Variants in NCKAP1L observed in about 807,000 individuals in gnomAD.
NCKAP1L encodes NCK associated protein 1 like, also known as nck-associated protein 1-like.
A neutral mutation model predicts 139.2 loss-of-function variants in NCKAP1L; 53 were observed. That is an observed-to-expected ratio of 0.38 (90% CI 0.31 to 0.48). NCKAP1L has a LOEUF of 0.48. NCKAP1L is among the 20% of genes least tolerant of loss of function. NCKAP1L has a pLI of 0.98. For synonymous variants in NCKAP1L, 468 were observed against 499.7 expected (o/e 0.94, Z 0.85); for missense variants, 1,151 against 1,381.9 (o/e 0.83, Z 2.65).
intron 20 of NCKAP1L, among the ~76,000 whole-genome samples, chr12:54,524,978 G>A (rs749889499): frequency 1.3e-5 from 2 of 152,156 alleles, no homozygotes; most frequent in Non-Finnish European, 2.9e-5. Context: ...AGCATTCTAG[G>A]TAGAGGAAAC....
At chr12:54,525,641 C>G (rs561604592) in intron 20 of NCKAP1L, among the ~76,000 whole-genome samples, 1 of 149,446 alleles carries the variant, frequency 6.7e-6, no homozygotes, top group Non-Finnish European at 1.5e-5. Flanking sequence ...ATCAGTCTTG[C>G]CCTTAGTCTG....
intron 1 of NCKAP1L, chr12:54,498,767 G>A (rs1483473025): frequency 1.0e-6 from 1 of 984,934 alleles, no homozygotes; most frequent in African/African-American, 1.7e-5. Flanking sequence ...GAGGGGCGGG[G>A]AAACAGCTTC....
Position 54,526,664 on chromosome 12 carries a change from G to A in NCKAP1L, c.2293G>A (p.Val765Ile). ...GTTTTTGGGTGCAGATGCTTCCAGA[G>A]TCATCCGCAACGCCCTCCTGCAGCA... is the stretch of plus-strand genomic sequence containing the variant. The part of the protein sequence containing the change: ...AQFLGADASR[V>I]IRNALLQQTQ... The change falls in exon 21 of 31, where the codon GTC becomes ATC. Residue 765 changes from valine (V) to isoleucine (I), a missense_variant. By Grantham distance (29) the Val-to-Ile change is conservative (BLOSUM62 3). Transcript: ENST00000293373. 1 of 1,614,116 alleles carries A rather than the reference G, an allele frequency of 6.2e-7. No individual in the cohort carries two copies. The highest frequency in any genetic ancestry group is 8.5e-7 in the Non-Finnish European group (1 of 1,180,018).
Position 54,542,774 on chromosome 12 carries a change from A to ATTGGGGGGGGGGTGGT in NCKAP1L, c.*89_*90insTTGGGGGGGGGGTGGT. 2 of 605,992 alleles carry ATTGGGGGGGGGGTGGT rather than the reference A, an allele frequency of 3.3e-6. No individual in the cohort carries two copies. Among genetic ancestry groups the ATTGGGGGGGGGGTGGT allele is most frequent in the Non-Finnish European group, 6.1e-6 (2 of 329,672 alleles). The allele number at this position is 605,992 out of a possible 1,614,324, so 37.5% of individuals were successfully genotyped here. A position where few individuals can be genotyped will look rare whatever the true frequency, so the allele number is the denominator to read the frequency against. On this transcript the variant is annotated 3_prime_UTR_variant, in exon 31 of 31. Transcript: ENST00000293373. ...TGTGGTCACTTTCGCAGGGGGTGGG[A>ATTGGGGGGGGGGTGGT]ATGGGGTGGGGTCACTAAGGAGAGA...
At chr12:54,519,614 G>A (rs565183133) in intron 16 of NCKAP1L, among the ~76,000 whole-genome samples, 2 of 151,716 alleles carry the variant, frequency 1.3e-5, no homozygotes, top group African/African-American at 2.4e-5. Context: ...TGGCCTCTGC[G>A]GAGGACTGTC....
intron 3 of NCKAP1L, 29 bp downstream of exon 3, chr12:54,500,654 A>C (rs1565671037): frequency 7.2e-7 from 1 of 1,394,516 alleles, no homozygotes; most frequent in East Asian, 2.3e-5. Context: ...TTTCCAATGT[A>C]GGCAAGGTCT....
chr12:54,503,966 G>A (rs1956822319), intron 3 of NCKAP1L, among the ~76,000 whole-genome samples: 1 of 151,972 alleles, frequency 6.6e-6, no homozygotes, highest in African/African-American at 2.4e-5. Context: ...ATATTAATTG[G>A]TATAGAAAAT....
chr12:54,539,910 A>C (rs1180332737), intron 30 of NCKAP1L, among the ~76,000 whole-genome samples: 1 of 152,194 alleles, frequency 6.6e-6, no homozygotes. Flanking sequence ...ATATACCTCT[A>C]GTGCCCAAGG....
chr12:54,504,296 G>C lies in NCKAP1L; in HGVS notation c.307-3557G>C, dbSNP rs572108808. On this transcript the variant is annotated intron_variant, in intron 3 of 30. Transcript: ENST00000293373. ...ATGATACAAGAATAATGTGTTCTGT[G>C]CCTACCCTAGGAAGCAAATCCAGGA... Among the ~76,000 whole-genome samples the C allele has an allele frequency of 4.4e-4, 67 of 152,244 alleles. 2 individuals are homozygous for C. In the South Asian group the frequency reaches 0.013, roughly 30 times the overall value.
chr12:54,523,522 C>T lies in NCKAP1L; in HGVS notation c.2007C>T (p.Asn669=), dbSNP rs754721171. The change falls in exon 19 of 31, where the codon AAC becomes AAT. Residue 669 remains asparagine (N), a synonymous_variant. Transcript: ENST00000293373. The part of the protein sequence containing the change: ...DKPGAESHRK[N]RSIVTNMDKL... ...CAGGAGCTGAGAGTCACCGGAAGAACCGCAGCATTGTCACCAAGTGAGGAC... is the reference window on the plus strand; with the variant it reads ...CAGGAGCTGAGAGTCACCGGAAGAATCGCAGCATTGTCACCAAGTGAGGAC... 8.1e-6 allele frequency: 13 copies of T among 1,613,552 alleles called. No individual in the cohort carries two copies. Among genetic ancestry groups the T allele is most frequent in the Non-Finnish European group, 1.1e-5 (13 of 1,179,862 alleles).
At chr12:54,523,582 A>G in intron 19 of NCKAP1L, 43 bp downstream of exon 19, 1 of 1,573,650 alleles carries the variant, frequency 6.4e-7, no homozygotes, top group Non-Finnish European at 8.6e-7. Flanking sequence ...TACTGCATCA[A>G]AGAAGGCAGG....
intron 3 of NCKAP1L, among the ~76,000 whole-genome samples, chr12:54,501,360 A>T (rs1260260732): frequency 6.6e-6 from 1 of 152,168 alleles, no homozygotes; most frequent in Non-Finnish European, 1.5e-5. Flanking sequence ...ATGTTGATGG[A>T]CACTTAGGTT....
rs770744372 is a variant in NCKAP1L, at chr12:54,532,202, T to C, written c.2814T>C (p.Gly938=). The C allele has an allele frequency of 6.2e-7, 1 of 1,613,382 alleles. No individual in the cohort carries two copies. Among genetic ancestry groups the C allele is most frequent in the Non-Finnish European group, 8.5e-7 (1 of 1,179,650 alleles). The stretch of plus-strand genomic sequence containing the variant: ...CCTCCCACTGCCCATTTCTTATGGG[T>C]CCCATTGAGTGCTTGAAGGAGTTTG... ...VFSSHCPFLM[G]PIECLKEFVT... is the part of the protein sequence containing the mutation. The change falls in exon 26 of 31, where the codon GGT becomes GGC. Residue 938 remains glycine (G), a synonymous_variant. Coordinates refer to ENST00000293373, the MANE Select transcript of NCKAP1L (RefSeq NM_005337.5).
At position 54,531,370 on chromosome 12, in the gene NCKAP1L, C is replaced by T. The variant is rs970598163; in HGVS notation, c.2604+13C>T. The T allele has an allele frequency of 6.2e-7, 1 of 1,613,238 alleles. No homozygotes were observed. The highest frequency in any genetic ancestry group is 1.7e-5 in the Admixed American group (1 of 60,012). Reference sequence around the variant, plus strand: ...TGTGGAGCTGAAGGTACTATGGAAACAATCCCTTGGGGAAAAGATCCTACC... The same window carrying T: ...TGTGGAGCTGAAGGTACTATGGAAATAATCCCTTGGGGAAAAGATCCTACC... On this transcript the variant is annotated intron_variant, in intron 23 of 30. Coordinates refer to ENST00000293373, the MANE Select transcript of NCKAP1L (RefSeq NM_005337.5).
At chr12:54,532,309 A>G in intron 26 of NCKAP1L, 59 bp downstream of exon 26, 4 of 1,423,068 alleles carry the variant, frequency 2.8e-6, no homozygotes, top group Non-Finnish European at 3.9e-6. Context: ...AAAAGGAGGT[A>G]GCTAGGATCT....
chr12:54,511,720 GA>G, intron 7 of NCKAP1L, 82 bp from the exon 8 acceptor site: 1 of 1,489,268 alleles, frequency 6.7e-7, no homozygotes, highest in Non-Finnish European at 9.2e-7. Context: ...AGTTAGTTTT[GA>G]TACTCAGATC....
At position 54,498,757 on chromosome 12, in the gene NCKAP1L, G is replaced by C. The variant is rs943839806; in HGVS notation, c.103-598G>C. ...TTTCTTGTTCCTTCCGGCTTCAGTT[G>C]AGGGGCGGGGAAACAGCTTCCTCTT... On this transcript the variant is annotated intron_variant, in intron 1 of 30. Transcript: ENST00000293373. The C allele has an allele frequency of 4.6e-5, 45 of 984,840 alleles. No homozygotes were observed. In the African/African-American group the frequency reaches 7.3e-4, roughly 16 times the overall value. 61.0% of individuals were successfully genotyped at this position (984,840 alleles called of 1,614,324 possible).
At chr12:54,506,824 T>TATATATATATATATATATA (rs71070825) in intron 3 of NCKAP1L, among the ~76,000 whole-genome samples, 36 of 137,730 alleles carry the variant, frequency 2.6e-4, no homozygotes, top group East Asian at 4.3e-4. Flanking sequence ...TATATATATA[T>TATATATATATATATATATA]TCCTTAATCT....
chr12:54,534,120 A>G (rs1350994727), intron 26 of NCKAP1L, among the ~76,000 whole-genome samples: 1 of 152,222 alleles, frequency 6.6e-6, no homozygotes, highest in African/African-American at 2.4e-5. Context: ...GTAAAGAGAA[A>G]TGCAAAACTC....
Sources: allele counts gnomAD v4.1 joint callset (sites outside exome capture counted in the v4.1 genomes callset), GRCh38; gene constraint gnomAD v4.1.1; transcripts MANE v1.5; gene names NCBI Gene and HGNC (gene_info 2026-07-23, HGNC 2026-07-21).